The following NPLOC4 variants were observed in gnomAD, a reference collection of about 807,000 sequenced individuals.
The protein encoded by NPLOC4 is nuclear protein localization protein 4 homolog.
NPLOC4 carries 18 observed loss-of-function variants against 80.6 expected under a neutral mutation model. The ratio of observed to expected loss-of-function variants is 0.22; its 90% CI spans 0.15 to 0.33. NPLOC4 has a LOEUF of 0.33. Ranked by LOEUF, NPLOC4 falls within the 10% of genes least tolerant of loss-of-function variation. The pLI is 1.00. For missense variants in NPLOC4, 540 were observed against 786.1 expected (o/e 0.69, Z 3.74); for synonymous variants, 313 against 301.5 (o/e 1.04, Z -0.39).
chr17:81,606,409 C>A (rs1238529318), intron 7 of NPLOC4, among the ~76,000 whole-genome samples: 1 of 152,142 alleles, frequency 6.6e-6, no homozygotes, highest in African/African-American at 2.4e-5. Flanking sequence ...CCAGTTTCCT[C>A]ACAACCACTG....
Position 81,572,169 on chromosome 17 carries a change from T to C in NPLOC4, c.1282-81A>G. On this transcript the variant is annotated intron_variant, in intron 12 of 16. Coordinates refer to ENST00000331134, the MANE Select transcript of NPLOC4 (RefSeq NM_017921.4). The surrounding 1 kb of genome is among the most constrained non-coding windows in gnomAD (Gnocchi z 4.5). ...TCCTTTCACATGCTTGTCTCACCTT[T>C]TATTTAATTAATTAATTTATTTATT... 3.2e-6 allele frequency: 2 copies of C among 626,772 alleles called. No homozygotes were observed. The highest frequency in any genetic ancestry group is 3.7e-5 in the Admixed American group (1 of 26,896). 38.8% of individuals were successfully genotyped at this position (626,772 alleles called of 1,614,324 possible).
At chr17:81,597,108 G>A (rs950046595) in intron 10 of NPLOC4, 137 bp downstream of exon 10, 21 of 625,012 alleles carry the variant, frequency 3.4e-5, no homozygotes, top group Middle Eastern at 8.1e-4. Flanking sequence ...GCAAGACTCC[G>A]TCTCAAAAAA....
intron 12 of NPLOC4, among the ~76,000 whole-genome samples, chr17:81,586,465 G>A (rs1191303822): frequency 6.6e-6 from 1 of 152,004 alleles, no homozygotes; most frequent in African/African-American, 2.4e-5. Context: ...CAAAAAATTA[G>A]CCGGGCAGGT....
intron 8 of NPLOC4, among the ~76,000 whole-genome samples, chr17:81,602,597 G>A (rs1303709875): frequency 6.6e-6 from 1 of 151,854 alleles, no homozygotes; most frequent in Non-Finnish European, 1.5e-5. Context: ...CGCTATTCAG[G>A]AGGCTGAGGC....
chr17:81,591,161 G>A (rs142950434), intron 11 of NPLOC4, among the ~76,000 whole-genome samples: 235 of 152,252 alleles, frequency 1.5e-3, no homozygotes, highest in Non-Finnish European at 2.9e-3. Flanking sequence ...TGGGCTTGGC[G>A]CAGTGGTTCA....
intron 2 of NPLOC4, among the ~76,000 whole-genome samples, chr17:81,625,202 C>A (rs1329512433): frequency 2.0e-5 from 3 of 152,106 alleles, no homozygotes; most frequent in East Asian, 1.9e-4. Context: ...GCTGAGAATT[C>A]TAGATTGAGA....
At chr17:81,604,432 G>A in intron 8 of NPLOC4, 116 bp downstream of exon 8, 1 of 869,036 alleles carries the variant, frequency 1.2e-6, no homozygotes, top group Non-Finnish European at 1.7e-6. Flanking sequence ...ACGTGCACCG[G>A]TGTGTGACAA....
At chr17:81,597,178 T>C (rs2034930719) in intron 10 of NPLOC4, 67 bp downstream of exon 10, 5 of 1,134,508 alleles carry the variant, frequency 4.4e-6, no homozygotes, top group African/African-American at 1.5e-5. Context: ...GAGACCCTGA[T>C]AATGCAGGCC....
intron 16 of NPLOC4, among the ~76,000 whole-genome samples, chr17:81,561,525 T>C (rs1272679875): frequency 2.0e-5 from 3 of 152,250 alleles, no homozygotes; most frequent in Non-Finnish European, 4.4e-5. Flanking sequence ...AGGTCCTGCA[T>C]CCTGCCTAAA....
intron 4 of NPLOC4, among the ~76,000 whole-genome samples, chr17:81,611,985 TTAAA>T (rs1159490729): frequency 1.3e-5 from 2 of 148,258 alleles, no homozygotes; most frequent in East Asian, 3.9e-4. Context: ...AAGAAAAGTG[TTAAA>T]TAAATAATAA....
At chr17:81,569,601 C>T (rs1013905517) in intron 13 of NPLOC4, among the ~76,000 whole-genome samples, 13 of 152,324 alleles carry the variant, frequency 8.5e-5, no homozygotes, top group African/African-American at 2.9e-4. Context: ...ACACAAAGCA[C>T]CCTTCAGCAG....
rs1203493548 is a variant in NPLOC4, at chr17:81,577,208, T to TC, written c.1282-5121dup. Among the ~76,000 whole-genome samples, 1 of 151,722 alleles carries TC rather than the reference T, an allele frequency of 6.6e-6. No individual in the cohort carries two copies. Among genetic ancestry groups the TC allele is most frequent in the Non-Finnish European group, 1.5e-5 (1 of 67,924 alleles). On this transcript the variant is annotated intron_variant, in intron 12 of 16. Transcript: ENST00000331134. This position sits in a 1 kb window ranked among gnomAD's most constrained non-coding sequence, Gnocchi z 4.3. The stretch of plus-strand genomic sequence containing the variant: ...CTTGCTGCTCCTATGTCCCCTCAGC[T>TC]CCCCACGGCGCTCTGACCCGCCCCA...
chr17:81,559,116 G>T lies in NPLOC4; in HGVS notation c.*143C>A. The T allele has an allele frequency of 1.1e-6, 1 of 920,308 alleles. No homozygotes were observed. The highest frequency in any genetic ancestry group is 1.6e-6 in the Non-Finnish European group (1 of 631,768). The allele number at this position is 920,308 out of a possible 1,614,324, so 57.0% of individuals were successfully genotyped here. ...AGGAACGTGCTGAGAAGCTTCAGTG[G>T]GTCAGGGAGCCCAGGACAGCCAGCC... On this transcript the variant is annotated 3_prime_UTR_variant, in exon 17 of 17. Coordinates refer to ENST00000331134, the MANE Select transcript of NPLOC4 (RefSeq NM_017921.4).
At position 81,569,027 on chromosome 17, in the gene NPLOC4, C is replaced by T; in HGVS notation, c.1438G>A (p.Gly480Ser). 1 of 1,603,730 alleles carries T rather than the reference C, an allele frequency of 6.2e-7. No individual in the cohort carries two copies. The highest frequency in any genetic ancestry group is 8.5e-7 in the Non-Finnish European group (1 of 1,170,654). Reference protein sequence around the residue: ...PFPIENRDVLGETQDFHSLAT... With the variant: ...PFPIENRDVLSETQDFHSLAT... Reference sequence around the variant, plus strand: ...GACAAAGAGCTCACCTGTGTCTCACCCAATACATCCCGGTTTTCAATAGGA... The same window carrying T: ...GACAAAGAGCTCACCTGTGTCTCACTCAATACATCCCGGTTTTCAATAGGA... The change falls in exon 14 of 17, where the codon GGT (glycine) becomes AGT (serine). Residue 480 changes from glycine (G) to serine (S), a missense_variant. Gly to Ser is a moderately conservative substitution (Grantham distance 56, BLOSUM62 0). Transcript: ENST00000331134.
rs2035030880 is a variant in NPLOC4, at chr17:81,600,339, A to C, written c.921+2T>G. 1 of 1,608,216 alleles carries C rather than the reference A, an allele frequency of 6.2e-7. No homozygotes were observed. The highest frequency in any genetic ancestry group is 1.3e-5 in the African/African-American group (1 of 74,724). Reference sequence around the variant, plus strand: ...CTGCTTGGCTGCCGGATGCCTCAGTACCTTCCGCAGGCCAAGTTTGGCAGC... The same window carrying C: ...CTGCTTGGCTGCCGGATGCCTCAGTCCCTTCCGCAGGCCAAGTTTGGCAGC... On this transcript the variant is annotated splice_donor_variant, in intron 9 of 16. Coordinates refer to ENST00000331134, the MANE Select transcript of NPLOC4 (RefSeq NM_017921.4). LOFTEE classifies it high-confidence loss of function.
chr17:81,604,985 G>T (rs2035161766), intron 7 of NPLOC4, among the ~76,000 whole-genome samples: 1 of 152,094 alleles, frequency 6.6e-6, no homozygotes, highest in African/African-American at 2.4e-5. Context: ...TCTGGGCTGG[G>T]CGCAGTGGCT....
intron 3 of NPLOC4, among the ~76,000 whole-genome samples, chr17:81,621,535 T>G (rs939133721): frequency 1.3e-5 from 2 of 152,132 alleles, no homozygotes; most frequent in Non-Finnish European, 2.9e-5. Flanking sequence ...TGTGAGTAAG[T>G]GCCCAGATGG....
chr17:81,628,942 G>A (rs890820524), intron 2 of NPLOC4, among the ~76,000 whole-genome samples: 4 of 146,588 alleles, frequency 2.7e-5, no homozygotes, highest in Admixed American at 6.9e-5. Flanking sequence ...GCAGTGGCGC[G>A]ATCTCAGCTC....
chr17:81,596,393 A>G lies in NPLOC4; in HGVS notation c.994-151T>C, dbSNP rs528441784. 4.6e-5 allele frequency among the ~76,000 whole-genome samples: 7 copies of G among 152,274 alleles called. No homozygotes were observed. The South Asian group carries it at 1.5e-3, about 32-fold the overall frequency. ...GAGGTGGAGGCGGGAGGTCCACTTG[A>G]GGACAAGAGTTCGAGACCAGCCTGG... On this transcript the variant is annotated intron_variant, in intron 10 of 16. Coordinates refer to ENST00000331134, the MANE Select transcript of NPLOC4 (RefSeq NM_017921.4).
Sources: gnomAD v4.1 joint callset for allele counts (sites outside exome capture counted in the v4.1 genomes callset) on GRCh38, gnomAD v4.1.1 for gene constraint, Gnocchi (gnomAD v3.1) non-coding constraint, MANE v1.5 for transcripts, NCBI Gene and HGNC (gene_info 2026-07-23, HGNC 2026-07-21) for gene names.